SORCS3: variants seen among roughly 807,000 people sequenced by gnomAD.
SORCS3 encodes VPS10 domain-containing receptor SorCS3.
Under a neutral mutation model 146.3 loss-of-function variants are expected in SORCS3, and 57 were observed. The observed-to-expected ratio is 0.39, with a 90% confidence interval of 0.31 to 0.49. SORCS3 has a LOEUF of 0.49. Ranked by LOEUF, SORCS3 falls within the 20% of genes least tolerant of loss-of-function variation. SORCS3 has a pLI of 0.92. For synonymous variants in SORCS3, 653 were observed against 618.5 expected, an observed-to-expected ratio of 1.06 and a Z score of -0.83; for missense variants, 1,341 against 1,575.5, an observed-to-expected ratio of 0.85 and a Z score of 2.52.
chr10:104,969,443 A>G (rs1468281156), intron 3 of SORCS3, among the ~76,000 whole-genome samples: 1 of 152,084 alleles, frequency 6.6e-6, no homozygotes, highest in Non-Finnish European at 1.5e-5. Flanking sequence ...TATCTGTAAA[A>G]TATAACTCAT....
chr10:105,228,224 A>G (rs748365742), intron 20 of SORCS3, among the ~76,000 whole-genome samples: 1 of 151,276 alleles, frequency 6.6e-6, no homozygotes, highest in African/African-American at 2.4e-5. Flanking sequence ...TTTGTTCTTC[A>G]TAGTGATAAC....
chr10:104,757,666 T>TGAAATTCAGTTCGGG (rs1204102136), intron 1 of SORCS3, among the ~76,000 whole-genome samples: 1 of 152,232 alleles, frequency 6.6e-6, no homozygotes, highest in Non-Finnish European at 1.5e-5. Flanking sequence ...GGTGGTGGCT[T>TGAAATTCAGTTCGGG]GAAATTCAGT....
At chr10:105,017,311 A>G (rs1315819270) in intron 4 of SORCS3, among the ~76,000 whole-genome samples, 1 of 152,160 alleles carries the variant, frequency 6.6e-6, no homozygotes, top group African/African-American at 2.4e-5. Flanking sequence ...TAAGTGACTC[A>G]CAGGACTCCA....
Position 105,242,453 on chromosome 10 carries a change from T to TATATTTATAC in SORCS3, c.2869-3085_2869-3084insTTATACATAT, listed in dbSNP as rs1449335934. On this transcript the variant is annotated intron_variant, in intron 20 of 26. Transcript: ENST00000369701. ...TTATACATATATTTATATATATTTA[T>TATATTTATAC]ATATATTTATATATTTATATATTTA... Among the ~76,000 whole-genome samples the TATATTTATAC allele has an allele frequency of 8.2e-4, 46 of 55,876 alleles. 11 individuals are homozygous for TATATTTATAC. The highest frequency in any genetic ancestry group is 2.0e-3 in the African/African-American group (28 of 13,814). 36.7% of individuals were successfully genotyped at this position (55,876 alleles called of 152,430 possible).
At chr10:105,046,274 ATTGT>A (rs1304880245) in intron 5 of SORCS3, among the ~76,000 whole-genome samples, 4 of 152,112 alleles carry the variant, frequency 2.6e-5, no homozygotes, top group African/African-American at 9.7e-5. Flanking sequence ...ACAATATTTG[ATTGT>A]TGTGATTCAT....
rs368760343 is a variant in SORCS3, at chr10:104,977,413, C to A, written c.874C>A (p.Arg292=). The change falls in exon 4 of 27, where the codon CGG becomes AGG. Residue 292 remains arginine (R), a synonymous_variant. Transcript: ENST00000369701. ...SDEGATYQKY[R]LTFYIQSLLF... ...CGAAGGGGCGACCTATCAGAAGTAT[C>A]GGCTCACCTTCTATATCCAGAGCCT... 1.2e-6 allele frequency: 2 copies of A among 1,613,634 alleles called. No individual in the cohort carries two copies. Among genetic ancestry groups the A allele is most frequent in the Non-Finnish European group, 1.7e-6 (2 of 1,179,838 alleles).
intron 17 of SORCS3, among the ~76,000 whole-genome samples, chr10:105,212,457 C>A (rs2056639557): frequency 1.3e-5 from 2 of 152,086 alleles, no homozygotes. Context: ...CACCAATTTC[C>A]CAGTCAGGGC....
chr10:105,229,053 C>T (rs1269947828), intron 20 of SORCS3, among the ~76,000 whole-genome samples: 1 of 151,902 alleles, frequency 6.6e-6, no homozygotes, highest in East Asian at 1.9e-4. Flanking sequence ...AAAATTGTTT[C>T]CTTAACATTT....
At chr10:104,906,961 G>T (rs1394689581) in intron 2 of SORCS3, among the ~76,000 whole-genome samples, 4 of 152,084 alleles carry the variant, frequency 2.6e-5, no homozygotes, top group Admixed American at 6.5e-5. Context: ...TTTTCCACTA[G>T]ATTTTATATG....
intron 4 of SORCS3, among the ~76,000 whole-genome samples, chr10:104,982,374 A>G (rs184590033): frequency 6.6e-6 from 1 of 152,310 alleles, no homozygotes; most frequent in African/African-American, 2.4e-5. Flanking sequence ...CTCAGATTAA[A>G]AATGTAATTT....
At chr10:105,001,724 C>T (rs551750359) in intron 4 of SORCS3, among the ~76,000 whole-genome samples, 3 of 152,246 alleles carry the variant, frequency 2.0e-5, no homozygotes, top group East Asian at 3.9e-4. Context: ...GAAGCAGTTT[C>T]GCTAACTCTA....
At chr10:105,232,913 T>C (rs1213588296) in intron 20 of SORCS3, among the ~76,000 whole-genome samples, 1 of 152,088 alleles carries the variant, frequency 6.6e-6, no homozygotes, top group Non-Finnish European at 1.5e-5. Context: ...TTCTTTCATA[T>C]TTGTTAAAGT....
chr10:104,715,927 G>A (rs2016471346), intron 1 of SORCS3, among the ~76,000 whole-genome samples: 1 of 152,154 alleles, frequency 6.6e-6, no homozygotes, highest in East Asian at 1.9e-4. Context: ...TGTATGCCAA[G>A]TAGAGCCAAA....
At position 104,976,436 on chromosome 10, in the gene SORCS3, A is replaced by C. The variant is rs543168093; in HGVS notation, c.796-899A>C. On this transcript the variant is annotated intron_variant, in intron 3 of 26. Transcript: ENST00000369701. ...ACAGGTGCTGGAGAGGATGTGGAGAAATAGGAACACTTTTACACTGTTGGG... is the reference window on the plus strand; with the variant it reads ...ACAGGTGCTGGAGAGGATGTGGAGACATAGGAACACTTTTACACTGTTGGG... 3.9e-4 allele frequency among the ~76,000 whole-genome samples: 59 copies of C among 152,280 alleles called. 1 individual carries two copies. In the South Asian group the frequency reaches 0.012, roughly 31 times the overall value.
At chr10:105,039,990 A>G (rs1180817235) in intron 4 of SORCS3, among the ~76,000 whole-genome samples, 5 of 152,112 alleles carry the variant, frequency 3.3e-5, no homozygotes, top group Non-Finnish European at 7.4e-5. Context: ...AGAATTTGGT[A>G]CTTTGCTATG....
intron 2 of SORCS3, among the ~76,000 whole-genome samples, chr10:104,862,392 A>T (rs1189000710): frequency 4.6e-5 from 7 of 152,200 alleles, no homozygotes; most frequent in African/African-American, 7.2e-5. Context: ...TTTTGTCAGC[A>T]ATTTTTAGCA....
Position 104,641,304 on chromosome 10 carries a change from C to T in SORCS3, c.-24C>T. ...CGGCGGGCGCCACACACTCGGCAGC[C>T]CGAGCCGCGGTAGCCGCAGCGGGAT... is the stretch of plus-strand genomic sequence containing the variant. On this transcript the variant is annotated 5_prime_UTR_variant, in exon 1 of 27. Coordinates refer to ENST00000369701, the MANE Select transcript of SORCS3 (RefSeq NM_014978.3). This position sits in a 1 kb window ranked among gnomAD's most constrained non-coding sequence, Gnocchi z 6.4. 7.8e-7 allele frequency: 1 copy of T among 1,275,030 alleles called. No homozygotes were observed. Among genetic ancestry groups the T allele is most frequent in the Non-Finnish European group, 9.9e-7 (1 of 1,013,908 alleles). 79.0% of individuals were successfully genotyped at this position (1,275,030 alleles called of 1,614,324 possible).
chr10:104,955,146 G>T (rs56122716), intron 3 of SORCS3, among the ~76,000 whole-genome samples: 1 of 151,372 alleles, frequency 6.6e-6, no homozygotes, highest in Non-Finnish European at 1.5e-5. Context: ...CCCAAAAGAA[G>T]CCCTGTGACC....
rs138524368 is a variant in SORCS3 at position 105,129,958 on chromosome 10, G to C, written c.1213-9439G>C. Among the ~76,000 whole-genome samples, 118 of 152,168 alleles carry C rather than the reference G, an allele frequency of 7.8e-4. 3 individuals carry two copies. The East Asian group carries it at 0.021, about 27-fold the overall frequency. ...ACCCCAGCACCTCTTGAAGCCTCCA[G>C]GTTGCATACATAAACTGCCACCATA... On this transcript the variant is annotated intron_variant, in intron 7 of 26. Coordinates refer to ENST00000369701, the MANE Select transcript of SORCS3 (RefSeq NM_014978.3).
Sources: gnomAD v4.1 joint callset for allele counts (sites outside exome capture counted in the v4.1 genomes callset) on GRCh38, gnomAD v4.1.1 for gene constraint, Gnocchi (gnomAD v3.1) non-coding constraint, MANE v1.5 for transcripts, NCBI Gene and HGNC (gene_info 2026-07-23, HGNC 2026-07-21) for gene names.